The following USP14 variants were observed in gnomAD, a reference collection of about 807,000 sequenced individuals.
The protein encoded by USP14 is ubiquitin specific peptidase 14, also known as ubiquitin carboxyl-terminal hydrolase 14.
USP14 carries 38 observed loss-of-function variants against 76.5 expected under a neutral mutation model. The ratio of observed to expected loss-of-function variants is 0.50; its 90% CI spans 0.38 to 0.65. The LOEUF (loss-of-function observed/expected upper bound fraction) is 0.65. USP14 is among the 30% of genes least tolerant of loss of function. USP14 has a pLI of 0.00. For missense variants in USP14, 467 were observed against 586.5 expected (o/e 0.80, Z 2.10); for synonymous variants, 192 against 191.7 (o/e 1.00, Z -0.01).
chr18:212,902 A>G lies in USP14; in HGVS notation c.*1618A>G, dbSNP rs1337242390. 6.6e-6 allele frequency: 1 copy of G among 152,220 alleles called. No individual in the cohort carries two copies. Among genetic ancestry groups the G allele is most frequent in the Non-Finnish European group, 1.5e-5 (1 of 68,040 alleles). The allele number at this position is 152,220 out of a possible 1,614,324, so 9.4% of individuals were successfully genotyped here. On this transcript the variant is annotated 3_prime_UTR_variant, in exon 16 of 16. Transcript: ENST00000261601. ...TGCTCGGCAGAGCACAACACTGATG[A>G]TAACTATTAAAAATAGAAAATAACA...
At chr18:196,396 T>TAGATCTCGGTG in intron 6 of USP14, 1 of 289,328 alleles carries the variant, frequency 3.5e-6, no homozygotes, top group Non-Finnish European at 6.4e-6. Flanking sequence ...TGGTGGCGTG[T>TAGATCTCGGTG]GCCTGTAATC....
intron 5 of USP14, among the ~76,000 whole-genome samples, chr18:187,436 G>A (rs574150632): frequency 2.0e-5 from 3 of 152,142 alleles, no homozygotes; most frequent in African/African-American, 7.2e-5. Flanking sequence ...TGTTCAATAC[G>A]CCTTTCTCCC....
chr18:203,333 TAACTC>T (rs1910434107), intron 12 of USP14, 143 bp downstream of exon 12: 2 of 757,414 alleles, frequency 2.6e-6, no homozygotes, highest in African/African-American at 1.8e-5. Context: ...AAGTGATTCT[TAACTC>T]AGAACGTATA....
At chr18:197,981 A>G in intron 8 of USP14, 66 bp from the exon 9 acceptor site, 2 of 1,384,304 alleles carry the variant, frequency 1.4e-6, no homozygotes, top group East Asian at 2.5e-5. Flanking sequence ...ACTAAACTGG[A>G]TTGTGTGGAA....
intron 5 of USP14, among the ~76,000 whole-genome samples, chr18:185,080 C>T (rs1019903699): frequency 1.3e-5 from 2 of 152,186 alleles, no homozygotes; most frequent in African/African-American, 4.8e-5. Flanking sequence ...GTATTGGAGA[C>T]TGGCAAGCCC....
intron 13 of USP14, among the ~76,000 whole-genome samples, chr18:208,081 G>GTTTAT (rs1179630018): frequency 5.9e-5 from 9 of 151,538 alleles, no homozygotes; most frequent in East Asian, 5.8e-4. Flanking sequence ...AGTTTTATTT[G>GTTTAT]TTTATTTTAT....
At chr18:186,419 G>A (rs1389186491) in intron 5 of USP14, among the ~76,000 whole-genome samples, 1 of 152,056 alleles carries the variant, frequency 6.6e-6, no homozygotes, top group Non-Finnish European at 1.5e-5. Context: ...TGATGCCACT[G>A]CACTCCAGCC....
At chr18:206,651 G>T (rs1910536119) in intron 13 of USP14, among the ~76,000 whole-genome samples, 1 of 152,202 alleles carries the variant, frequency 6.6e-6, no homozygotes, top group Non-Finnish European at 1.5e-5. Flanking sequence ...TGTAATCCCA[G>T]CACTTTAGGA....
chr18:197,898 C>T (rs1166766250), intron 8 of USP14, 149 bp from the exon 9 acceptor site: 1 of 758,698 alleles, frequency 1.3e-6, no homozygotes, highest in Non-Finnish European at 2.0e-6. Flanking sequence ...AAACTTAATT[C>T]ATTGTTGATT....
At chr18:169,148 T>C (rs1164473584) in intron 3 of USP14, among the ~76,000 whole-genome samples, 1 of 151,328 alleles carries the variant, frequency 6.6e-6, no homozygotes, top group African/African-American at 2.4e-5. Context: ...CCCAGCACTT[T>C]GGGAGGCCAA....
At chr18:165,457 T>C (rs1909243203) in intron 2 of USP14, among the ~76,000 whole-genome samples, 1 of 152,192 alleles carries the variant, frequency 6.6e-6, no homozygotes, top group Non-Finnish European at 1.5e-5. Flanking sequence ...TAATCTATGC[T>C]GAACACTGTA....
At chr18:196,421 G>C in intron 6 of USP14, 6 of 365,498 alleles carry the variant, frequency 1.6e-5, no homozygotes, top group Admixed American at 8.8e-5. Context: ...CTACTCTGGA[G>C]GCTGAGGCAG....
intron 6 of USP14, among the ~76,000 whole-genome samples, chr18:194,613 C>G (rs1482852139): frequency 6.6e-6 from 1 of 152,174 alleles, no homozygotes; most frequent in Non-Finnish European, 1.5e-5. Context: ...TAAGGACATT[C>G]ATAACCACAA....
intron 7 of USP14, 100 bp from the exon 8 acceptor site, chr18:197,512 AGAAG>A (rs1405160344): frequency 5.9e-6 from 5 of 844,266 alleles, no homozygotes; most frequent in Non-Finnish European, 7.4e-6. Context: ...ATATTTTTAA[AGAAG>A]GAAACCACTT....
intron 10 of USP14, 124 bp downstream of exon 10, chr18:199,440 G>A: frequency 4.7e-6 from 3 of 644,492 alleles, no homozygotes; most frequent in Non-Finnish European, 8.1e-6. Context: ...CGCATTTTGA[G>A]TTGCCCGATA....
chr18:196,666 A>G lies in USP14; in HGVS notation c.493A>G (p.Lys165Glu), dbSNP rs1489731148. 2 of 1,613,986 alleles carry G rather than the reference A, an allele frequency of 1.2e-6. No homozygotes were observed. The highest frequency in any genetic ancestry group is 3.3e-5 in the Admixed American group (2 of 60,008). The change falls in exon 7 of 16, where the codon AAA (lysine) becomes GAA (glutamate). Residue 165 changes from lysine (K) to glutamate (E), a missense_variant. By Grantham distance (56) the Lys-to-Glu change is moderately conservative. Transcript: ENST00000261601. The part of the protein sequence containing the change: ...ALRDLFDSMD[K>E]TSSSIPPIIL... ...TAGAGATTTGTTTGATTCCATGGAT[A>G]AAACTTCTTCCAGTATTCCACCTAT...
intron 3 of USP14, among the ~76,000 whole-genome samples, chr18:177,633 GTT>G (rs11438659): frequency 7.2e-6 from 1 of 139,188 alleles, no homozygotes; most frequent in Non-Finnish European, 1.5e-5. Flanking sequence ...TTCCCTCCCT[GTT>G]TTTTTTTTTT....
At chr18:202,474 A>G (rs1910409411) in intron 10 of USP14, among the ~76,000 whole-genome samples, 1 of 152,208 alleles carries the variant, frequency 6.6e-6, no homozygotes, top group Admixed American at 6.5e-5. Flanking sequence ...ATTGGCTTTT[A>G]TGCATAAAAC....
chr18:197,754 T>C, intron 8 of USP14, 58 bp downstream of exon 8: 1 of 1,350,706 alleles, frequency 7.4e-7, no homozygotes, highest in Non-Finnish European at 1.0e-6. Context: ...TTTTTTTTTA[T>C]TTTTTTTCCC....
Sources: allele counts gnomAD v4.1 joint callset (sites outside exome capture counted in the v4.1 genomes callset), GRCh38; gene constraint gnomAD v4.1.1; transcripts MANE v1.5; gene names NCBI Gene and HGNC (gene_info 2026-07-23, HGNC 2026-07-21).